Variants in ALDH1A3 observed in about 807,000 individuals in gnomAD.
The protein encoded by ALDH1A3 is aldehyde dehydrogenase 1 family member A3.
A neutral mutation model predicts 57.5 loss-of-function variants in ALDH1A3; 28 were observed. The observed-to-expected ratio is 0.49, with a 90% confidence interval of 0.36 to 0.67. The LOEUF is 0.67. Among genes scored for constraint, ALDH1A3 ranks in the 30% least tolerant of loss-of-function variants. The pLI, the probability that ALDH1A3 is intolerant of heterozygous loss-of-function variation, is 0.00. For missense variants in ALDH1A3, 507 were observed against 669.4 expected (o/e 0.76, Z 2.68); for synonymous variants, 281 against 264.8 (o/e 1.06, Z -0.59).
At chr15:100,900,530 C>A (rs901282843) in intron 8 of ALDH1A3, 45 bp from the exon 9 acceptor site, 4 of 1,525,314 alleles carry the variant, frequency 2.6e-6, no homozygotes, top group Non-Finnish European at 3.6e-6. Flanking sequence ...ACAACTTAAT[C>A]GCTTCCTCTC....
intron 8 of ALDH1A3, 120 bp from the exon 9 acceptor site, chr15:100,900,455 G>A: frequency 1.1e-6 from 1 of 893,668 alleles, no homozygotes; most frequent in Non-Finnish European, 1.7e-6. Flanking sequence ...CTGAAATGCA[G>A]CCATCCTGGG....
In ALDH1A3 at chr15:100,895,578, T is replaced by TCA. The variant is rs562897618; in HGVS notation, c.667-341_667-340dup. The TCA allele has an allele frequency of 8.8e-3, 2,414 of 274,084 alleles. 18 individuals are homozygous for TCA. Among genetic ancestry groups the TCA allele is most frequent in the East Asian group, 0.032 (462 of 14,316 alleles). The allele number at this position is 274,084 out of a possible 1,614,324, so 17.0% of individuals were successfully genotyped here. A position where few individuals can be genotyped will look rare whatever the true frequency, so the allele number is the denominator to read the frequency against. On this transcript the variant is annotated intron_variant, in intron 6 of 12. Coordinates refer to ENST00000329841, the MANE Select transcript of ALDH1A3 (RefSeq NM_000693.4). ...CCTTAACGCATACACACACTCTCCC[T>TCA]CACACACACACACACCCCACATGGA...
At chr15:100,907,917 C>T (rs1346240212) in intron 11 of ALDH1A3, among the ~76,000 whole-genome samples, 1 of 129,450 alleles carries the variant, frequency 7.7e-6, no homozygotes, top group Non-Finnish European at 1.6e-5. Flanking sequence ...GGCACACTCT[C>T]GGCTCACTGC....
intron 1 of ALDH1A3, among the ~76,000 whole-genome samples, chr15:100,884,424 G>A (rs1482682132): frequency 2.0e-5 from 3 of 152,166 alleles, no homozygotes; most frequent in Non-Finnish European, 4.4e-5. Context: ...GATCATTGAG[G>A]TTCCCAGAAA....
intron 12 of ALDH1A3, chr15:100,914,415 T>C (rs2041910761): frequency 4.0e-6 from 1 of 251,792 alleles, no homozygotes. Flanking sequence ...ACCTCTTTAC[T>C]TTTTTTAAAA....
At chr15:100,880,503 C>T (rs1467285915) in intron 1 of ALDH1A3, 11 of 306,778 alleles carry the variant, frequency 3.6e-5, no homozygotes, top group Non-Finnish European at 4.8e-5. Context: ...ACTGGGGAAG[C>T]GGGTCCTCCG....
chr15:100,893,130 C>A lies in ALDH1A3; in HGVS notation c.537+124C>A. 2 of 841,576 alleles carry A rather than the reference C, an allele frequency of 2.4e-6. No individual in the cohort carries two copies. The highest frequency in any genetic ancestry group is 3.6e-6 in the Non-Finnish European group (2 of 552,528). The allele number at this position is 841,576 out of a possible 1,614,324, so 52.1% of individuals were successfully genotyped here. A position where few individuals can be genotyped will look rare whatever the true frequency, so the allele number is the denominator to read the frequency against. On this transcript the variant is annotated intron_variant, in intron 5 of 12. Coordinates refer to ENST00000329841, the MANE Select transcript of ALDH1A3 (RefSeq NM_000693.4). The surrounding 1 kb of genome is among the most constrained non-coding windows in gnomAD (Gnocchi z 4.8). The stretch of plus-strand genomic sequence containing the variant: ...ACCAGCGTTGAACAAGCATTTTCTT[C>A]GTGGCATGGAACTCCATGCTTGGGG...
chr15:100,902,780 A>G (rs1300991387), intron 9 of ALDH1A3, among the ~76,000 whole-genome samples: 1 of 152,222 alleles, frequency 6.6e-6, no homozygotes, highest in South Asian at 2.1e-4. Context: ...TTAGATTTAA[A>G]CAATGTGTTC....
Position 100,900,774 on chromosome 15 carries a change from G to C in ALDH1A3, c.1068+15G>C. On this transcript the variant is annotated intron_variant, in intron 9 of 12. Coordinates refer to ENST00000329841, the MANE Select transcript of ALDH1A3 (RefSeq NM_000693.4). ...AGGGGCCTCAGGTAATCCCCCTGGT[G>C]TGTGTGAAACCATGGTGCTTGTCTA... 1 of 1,612,590 alleles carries C rather than the reference G, an allele frequency of 6.2e-7. No homozygotes were observed.
At chr15:100,888,855 A>G (rs1164890634) in intron 3 of ALDH1A3, 1 of 152,268 alleles carries the variant, frequency 6.6e-6, no homozygotes, top group Non-Finnish European at 1.5e-5. Context: ...GCTATCATTA[A>G]TAATAGCAGT....
At chr15:100,880,315 G>C in intron 1 of ALDH1A3, 1 of 373,112 alleles carries the variant, frequency 2.7e-6, no homozygotes, top group Non-Finnish European at 4.8e-6. Flanking sequence ...TGCCCGCTTT[G>C]ATCGCGAGTG....
Position 100,906,976 on chromosome 15 carries a change from C to A in ALDH1A3, c.1234-145C>A. ...CAATGCAGCTGAAGCAATGTTTGGACGTTCTTTCTTCTCTAATCATCGTTT... is the reference window on the plus strand; with the variant it reads ...CAATGCAGCTGAAGCAATGTTTGGAAGTTCTTTCTTCTCTAATCATCGTTT... On this transcript the variant is annotated intron_variant, in intron 10 of 12. Coordinates refer to ENST00000329841, the MANE Select transcript of ALDH1A3 (RefSeq NM_000693.4). This position sits in a 1 kb window ranked among gnomAD's most constrained non-coding sequence, Gnocchi z 4.8. 1 of 835,722 alleles carries A rather than the reference C, an allele frequency of 1.2e-6. No homozygotes were observed. Among genetic ancestry groups the A allele is most frequent in the Non-Finnish European group, 1.8e-6 (1 of 563,582 alleles). The allele number at this position is 835,722 out of a possible 1,614,324, so 51.8% of individuals were successfully genotyped here.
intron 2 of ALDH1A3, among the ~76,000 whole-genome samples, chr15:100,885,655 C>CTTTTT (rs4646657): frequency 2.2e-5 from 3 of 138,336 alleles, no homozygotes; most frequent in Non-Finnish European, 3.2e-5. Flanking sequence ...TTTCTTTTTT[C>CTTTTT]TTTTTTTTTT....
At chr15:100,900,327 A>G (rs548923539) in intron 8 of ALDH1A3, among the ~76,000 whole-genome samples, 43 of 152,368 alleles carry the variant, frequency 2.8e-4, no homozygotes, top group African/African-American at 9.6e-4. Flanking sequence ...TTATTAGCAT[A>G]TTAAAGGTAC....
rs7178221 is a variant in ALDH1A3, at chr15:100,883,972, A to G, written c.100-1295A>G. Reference sequence around the variant, plus strand: ...CCTTTAAACAATTCAAAAAGAAGCAAAGTAAAGCTATGTATACCACATGCA... The same window carrying G: ...CCTTTAAACAATTCAAAAAGAAGCAGAGTAAAGCTATGTATACCACATGCA... On this transcript the variant is annotated intron_variant, in intron 1 of 12. Transcript: ENST00000329841. Among the ~76,000 whole-genome samples, 879 of 152,352 alleles carry G rather than the reference A, an allele frequency of 5.8e-3. 8 individuals are homozygous for G. The highest frequency in any genetic ancestry group is 0.02 in the African/African-American group (813 of 41,574).
In ALDH1A3 at chr15:100,909,746, G is replaced by A. The variant is rs532414861; in HGVS notation, c.1466+1264G>A. 1.1e-3 allele frequency among the ~76,000 whole-genome samples: 170 copies of A among 152,328 alleles called. 1 individual carries two copies. The highest frequency in any genetic ancestry group is 3.7e-3 in the African/African-American group (153 of 41,586). ...GAGCTGGCTAGAGCAACCCGGGAGT[G>A]GAGATGTGTGGTTTCCAGCCGGACA... On this transcript the variant is annotated intron_variant, in intron 12 of 12. Transcript: ENST00000329841.
Position 100,895,991 on chromosome 15 carries a change from C to T in ALDH1A3, c.725C>T (p.Ala242Val). The change falls in exon 7 of 13, where the codon GCA becomes GTA. Residue 242 changes from alanine (A) to valine (V), a missense_variant. Around this residue, in one of 2 missense-constraint regions of ALDH1A3, gnomAD observed 432 missense variants for 608.4 expected, o/e 0.71. Coordinates refer to ENST00000329841, the MANE Select transcript of ALDH1A3 (RefSeq NM_000693.4). ...CCAGGATTCGGGCCCACAGTGGGAG[C>T]AGCAATTTCTTCTCACCCTCAGATC... is the stretch of plus-strand genomic sequence containing the variant. ...IVPGFGPTVG[A>V]AISSHPQINK... 6.2e-7 allele frequency: 1 copy of T among 1,613,792 alleles called. No homozygotes were observed. Among genetic ancestry groups the T allele is most frequent in the Middle Eastern group, 1.7e-4 (1 of 6,056 alleles).
Position 100,879,900 on chromosome 15 carries a change from G to T in ALDH1A3, c.-8G>T. ...AGGGCGCCTCGGGCCAGGGAGCGCGGAGGAGCCATGGCCACCGCTAACGGG... is the reference window on the plus strand; with the variant it reads ...AGGGCGCCTCGGGCCAGGGAGCGCGTAGGAGCCATGGCCACCGCTAACGGG... On this transcript the variant is annotated 5_prime_UTR_variant, in exon 1 of 13. Transcript: ENST00000329841. 1 of 1,418,162 alleles carries T rather than the reference G, an allele frequency of 7.1e-7. No homozygotes were observed. The highest frequency in any genetic ancestry group is 3.1e-5 in the East Asian group (1 of 32,288). 87.8% of individuals were successfully genotyped at this position (1,418,162 alleles called of 1,614,324 possible).
rs1459339083 is a variant in ALDH1A3 at position 100,915,079 on chromosome 15, T to G, written c.*306T>G. 1 of 380,442 alleles carries G rather than the reference T, an allele frequency of 2.6e-6. No individual in the cohort carries two copies. The highest frequency in any genetic ancestry group is 5.1e-5 in the East Asian group (1 of 19,482). The allele number at this position is 380,442 out of a possible 1,614,324, so 23.6% of individuals were successfully genotyped here. ...TACTCAGGGCGTTGTTAACAGGGAG[T>G]GGTATTTGAAGTGTCCAGCAGTTGC... On this transcript the variant is annotated 3_prime_UTR_variant, in exon 13 of 13. Transcript: ENST00000329841.
Sources: allele counts gnomAD v4.1 joint callset (sites outside exome capture counted in the v4.1 genomes callset), GRCh38; gene constraint gnomAD v4.1.1; regional missense constraint gnomAD v4.1.1; non-coding constraint Gnocchi (gnomAD v3.1); transcripts MANE v1.5; gene names NCBI Gene and HGNC (gene_info 2026-07-23, HGNC 2026-07-21).